Variants in STXBP4 observed in about 807,000 individuals in gnomAD.
STXBP4 encodes syntaxin-binding protein 4.
STXBP4 carries 55 observed loss-of-function variants against 76.1 expected under a neutral mutation model. That is an observed-to-expected ratio of 0.72 (90% confidence interval 0.58 to 0.91). The LOEUF is 0.91. Ranked by LOEUF, STXBP4 falls within the 40% of genes least tolerant of loss-of-function variation. The probability of loss-of-function intolerance (pLI) is 0.00; values close to 1 mark genes in which losing one functional copy is unlikely to be tolerated. For synonymous variants in STXBP4, 201 were observed against 220.2 expected, an observed-to-expected ratio of 0.91 and a Z score of 0.77; for missense variants, 618 against 636.9, an observed-to-expected ratio of 0.97 and a Z score of 0.32.
chr17:55,017,899 A>G (rs994285508), intron 8 of STXBP4, among the ~76,000 whole-genome samples: 1 of 152,248 alleles, frequency 6.6e-6, no homozygotes. Context: ...GGTGCCCAGT[A>G]TTTTCCTCCA....
chr17:55,116,705 G>A (rs1477243277), intron 16 of STXBP4, among the ~76,000 whole-genome samples: 1 of 151,728 alleles, frequency 6.6e-6, no homozygotes, highest in African/African-American at 2.4e-5. Flanking sequence ...TGCAAAGGAG[G>A]CAATTGTTAA....
chr17:55,108,235 C>G (rs1715046972), intron 16 of STXBP4, among the ~76,000 whole-genome samples: 1 of 152,162 alleles, frequency 6.6e-6, no homozygotes, highest in Admixed American at 6.5e-5. Flanking sequence ...ACTCAAGCCT[C>G]AGTAATGGTG....
At chr17:55,191,108 A>T in the STXBP4 span, among the ~76,000 whole-genome samples, 1 of 152,160 alleles carries the variant, frequency 6.6e-6, no homozygotes, top group Non-Finnish European at 1.5e-5. Flanking sequence ...ATCCTAAAAC[A>T]AGGAGTGCAG....
chr17:55,107,497 T>C (rs1198789292), intron 16 of STXBP4, among the ~76,000 whole-genome samples: 1 of 152,238 alleles, frequency 6.6e-6, no homozygotes, highest in East Asian at 1.9e-4. Flanking sequence ...GGAGTTGTGA[T>C]CCTTTGGAGG....
At chr17:55,075,856 C>T (rs1249818202) in intron 13 of STXBP4, among the ~76,000 whole-genome samples, 1 of 152,096 alleles carries the variant, frequency 6.6e-6, no homozygotes, top group Non-Finnish European at 1.5e-5. Flanking sequence ...ACAGTGATAT[C>T]AGGTTGGTAG....
In STXBP4 at chr17:55,161,733, A is replaced by T. The variant is rs1430764030; in HGVS notation, c.*1822A>T. 1 of 152,206 alleles carries T rather than the reference A, an allele frequency of 6.6e-6. No homozygotes were observed. Among genetic ancestry groups the T allele is most frequent in the Non-Finnish European group, 1.5e-5 (1 of 68,036 alleles). The allele number at this position is 152,206 out of a possible 1,614,324, so 9.4% of individuals were successfully genotyped here. Reference sequence around the variant, plus strand: ...ATTTATTGGGCATTTTGTGCCATACATGGTGATGAGCAGTTTGCATATATT... The same window carrying T: ...ATTTATTGGGCATTTTGTGCCATACTTGGTGATGAGCAGTTTGCATATATT... On this transcript the variant is annotated 3_prime_UTR_variant, in exon 18 of 18. Transcript: ENST00000376352.
chr17:55,131,003 A>C (rs975939663), intron 16 of STXBP4, among the ~76,000 whole-genome samples: 1 of 152,222 alleles, frequency 6.6e-6, no homozygotes, highest in African/African-American at 2.4e-5. Flanking sequence ...TCTCTTCAAC[A>C]TACAGATTTC....
At chr17:55,120,113 A>G (rs557097210) in intron 16 of STXBP4, among the ~76,000 whole-genome samples, 1 of 152,308 alleles carries the variant, frequency 6.6e-6, no homozygotes, top group South Asian at 2.1e-4. Context: ...ATTTTCTGAA[A>G]TCCTCTTTAA....
At chr17:55,200,438 A>G in the STXBP4 span, among the ~76,000 whole-genome samples, 1 of 152,232 alleles carries the variant, frequency 6.6e-6, no homozygotes, top group Non-Finnish European at 1.5e-5. Context: ...CCAGAATAAT[A>G]ACTGCCATAA....
chr17:55,074,043 A>G (rs1323388663), intron 13 of STXBP4, among the ~76,000 whole-genome samples: 1 of 152,214 alleles, frequency 6.6e-6, no homozygotes, highest in Non-Finnish European at 1.5e-5. Flanking sequence ...AAGGTAGAAA[A>G]TCGAGTAAAT....
At chr17:55,064,666 C>T (rs1354588235) in intron 12 of STXBP4, among the ~76,000 whole-genome samples, 6 of 151,936 alleles carry the variant, frequency 3.9e-5, no homozygotes, top group African/African-American at 1.2e-4. Flanking sequence ...CCACCATGCC[C>T]GGCTAATTTT....
chr17:55,208,755 G>T, the STXBP4 span, among the ~76,000 whole-genome samples: 73 of 152,206 alleles, frequency 4.8e-4, no homozygotes, highest in Non-Finnish European at 3.7e-4. Flanking sequence ...CAGGGAGATG[G>T]TATATTTGTG....
chr17:55,174,350 T>C (rs1017594548), downstream of STXBP4, among the ~76,000 whole-genome samples: 1 of 152,210 alleles, frequency 6.6e-6, no homozygotes, highest in African/African-American at 2.4e-5. Context: ...TTGTCAACAC[T>C]TGGTACTGTC....
chr17:55,051,413 G>A (rs953219607), intron 12 of STXBP4, among the ~76,000 whole-genome samples: 1 of 152,090 alleles, frequency 6.6e-6, no homozygotes, highest in Admixed American at 6.6e-5. Flanking sequence ...GAGTTGGGAA[G>A]GAATTTCATA....
At chr17:55,031,115 T>G (rs1814372874) in intron 8 of STXBP4, 53 bp from the exon 9 acceptor site, 1 of 1,381,072 alleles carries the variant, frequency 7.2e-7, no homozygotes, top group Admixed American at 1.8e-5. Context: ...AATGAAAAGT[T>G]TTATTCTTTG....
intron 10 of STXBP4, among the ~76,000 whole-genome samples, chr17:55,036,697 A>G (rs973015169): frequency 1.3e-5 from 2 of 151,926 alleles, no homozygotes; most frequent in African/African-American, 4.8e-5. Flanking sequence ...GAATGCTGCT[A>G]GAAACCCTAA....
intron 1 of STXBP4, among the ~76,000 whole-genome samples, chr17:54,981,653 A>C (rs1215983742): frequency 6.6e-6 from 1 of 152,138 alleles, no homozygotes; most frequent in Non-Finnish European, 1.5e-5. Context: ...TGGAGTGGGC[A>C]AGGAGTTTCT....
Position 54,999,701 on chromosome 17 carries a change from A to G in STXBP4, c.357A>G (p.Ser119=), listed in dbSNP as rs950814998. ...KSDNIQPENL[S]CTSLIEASGE... is the part of the protein sequence containing the mutation. ...ACAACATTCAGCCAGAAAATCTGTCATGTACATCACTTATAGAAGCTTCAG... is the reference window on the plus strand; with the variant it reads ...ACAACATTCAGCCAGAAAATCTGTCGTGTACATCACTTATAGAAGCTTCAG... The change falls in exon 6 of 18, where the codon TCA becomes TCG. Residue 119 remains serine (S), a synonymous_variant. Coordinates refer to ENST00000376352, the MANE Select transcript of STXBP4 (RefSeq NM_178509.6). 1.9e-6 allele frequency: 3 copies of G among 1,613,808 alleles called. No homozygotes were observed. Among genetic ancestry groups the G allele is most frequent in the Non-Finnish European group, 1.7e-6 (2 of 1,179,842 alleles).
chr17:55,068,907 G>A (rs1183141299), intron 12 of STXBP4, among the ~76,000 whole-genome samples: 1 of 152,006 alleles, frequency 6.6e-6, no homozygotes, highest in Admixed American at 6.6e-5. Context: ...GTTACCTTGT[G>A]GGGGAAAAGT....
Sources: gnomAD v4.1 joint callset for allele counts (sites outside exome capture counted in the v4.1 genomes callset) on GRCh38, gnomAD v4.1.1 for gene constraint, MANE v1.5 for transcripts, NCBI Gene and HGNC (gene_info 2026-07-23, HGNC 2026-07-21) for gene names.